HS6ST3: variants seen among roughly 807,000 people sequenced by gnomAD.
HS6ST3 encodes heparan sulfate 6-O-sulfotransferase 3, also known as heparan-sulfate 6-O-sulfotransferase 3.
A neutral mutation model predicts 36.7 loss-of-function variants in HS6ST3; 12 were observed. The ratio of observed to expected loss-of-function variants is 0.33; its 90% CI spans 0.21 to 0.53. The LOEUF (loss-of-function observed/expected upper bound fraction) is 0.53, where lower values mean the gene tolerates loss of function less well. HS6ST3 is among the 20% of genes least tolerant of loss of function. The probability of loss-of-function intolerance (pLI) is 0.95; values close to 1 mark genes in which losing one functional copy is unlikely to be tolerated. For missense variants in HS6ST3, 584 were observed against 640.9 expected (o/e 0.91, Z 0.96); for synonymous variants, 240 against 257.5 (o/e 0.93, Z 0.65).
chr13:96,567,999 C>A (rs958927904), intron 1 of HS6ST3, among the ~76,000 whole-genome samples: 1 of 152,262 alleles, frequency 6.6e-6, no homozygotes, highest in Non-Finnish European at 1.5e-5. Flanking sequence ...TATAATGCAA[C>A]AAGAACTTTC....
At chr13:96,355,858 A>C (rs527966073) in intron 1 of HS6ST3, among the ~76,000 whole-genome samples, 62 of 151,118 alleles carry the variant, frequency 4.1e-4, no homozygotes, top group African/African-American at 1.5e-3. Flanking sequence ...ACTTCTTTCA[A>C]AACTGGAGTC....
At chr13:96,739,654 G>C (rs893267741) in intron 1 of HS6ST3, among the ~76,000 whole-genome samples, 1 of 152,040 alleles carries the variant, frequency 6.6e-6, no homozygotes, top group African/African-American at 2.4e-5. Context: ...TTCTCACCAT[G>C]ATTATTCTAC....
At chr13:96,121,688 A>T (rs1255684423) in intron 1 of HS6ST3, among the ~76,000 whole-genome samples, 2 of 152,118 alleles carry the variant, frequency 1.3e-5, no homozygotes, top group African/African-American at 4.8e-5. Context: ...GTTTATTTTT[A>T]TTGGCTATGG....
At chr13:96,756,411 G>A (rs1323506422) in intron 1 of HS6ST3, among the ~76,000 whole-genome samples, 4 of 151,970 alleles carry the variant, frequency 2.6e-5, no homozygotes, top group Non-Finnish European at 4.4e-5. Flanking sequence ...TCTTGAATAT[G>A]ATCTAAGAAA....
chr13:96,302,075 G>A lies in HS6ST3; in HGVS notation c.707+210506G>A, dbSNP rs931850074. Among the ~76,000 whole-genome samples the A allele has an allele frequency of 6.1e-4, 92 of 151,902 alleles. 1 individual carries two copies. Among genetic ancestry groups the A allele is most frequent in the Non-Finnish European group, 2.4e-4 (16 of 67,962 alleles). On this transcript the variant is annotated intron_variant, in intron 1 of 1. Transcript: ENST00000376705. ...AAGAACATCACAAGATTGGGTGGCA[G>A]TGGGGGTTATATTAATAGTTTACTA...
chr13:96,273,076 A>G (rs1408645962), intron 1 of HS6ST3, among the ~76,000 whole-genome samples: 1 of 152,016 alleles, frequency 6.6e-6, no homozygotes, highest in African/African-American at 2.4e-5. Context: ...AGATCCACGT[A>G]ATATTTCATT....
chr13:96,252,859 G>A (rs1211180791), intron 1 of HS6ST3, among the ~76,000 whole-genome samples: 1 of 151,978 alleles, frequency 6.6e-6, no homozygotes, highest in African/African-American at 2.4e-5. Flanking sequence ...CTTCTGACAT[G>A]AGTCAAAGCT....
intron 1 of HS6ST3, among the ~76,000 whole-genome samples, chr13:96,562,172 T>A (rs1369436793): frequency 1.3e-5 from 2 of 152,168 alleles, no homozygotes; most frequent in East Asian, 3.8e-4. Flanking sequence ...GTGGTACATA[T>A]ACAACATGGG....
chr13:96,199,369 A>G (rs1195238800), intron 1 of HS6ST3, among the ~76,000 whole-genome samples: 1 of 152,242 alleles, frequency 6.6e-6, no homozygotes, highest in Non-Finnish European at 1.5e-5. Context: ...TATATATGAT[A>G]TTAGATTACT....
At chr13:96,465,498 A>T (rs1288974825) in intron 1 of HS6ST3, among the ~76,000 whole-genome samples, 1 of 152,240 alleles carries the variant, frequency 6.6e-6, no homozygotes, top group Non-Finnish European at 1.5e-5. Context: ...AGTTGTACAT[A>T]GTATACGGTT....
At chr13:96,638,007 A>T (rs567103982) in intron 1 of HS6ST3, among the ~76,000 whole-genome samples, 1 of 152,140 alleles carries the variant, frequency 6.6e-6, no homozygotes, top group African/African-American at 2.4e-5. Flanking sequence ...TGGAGAAAAC[A>T]CCTAGGCATT....
At chr13:96,426,131 T>TA (rs200718319) in intron 1 of HS6ST3, among the ~76,000 whole-genome samples, 1,914 of 148,400 alleles carry the variant, frequency 0.013, 12 homozygotes, top group African/African-American at 0.025. Context: ...AGGGTAAAAT[T>TA]AAAAAAAAAA....
intron 1 of HS6ST3, among the ~76,000 whole-genome samples, chr13:96,188,936 C>G (rs1016879596): frequency 3.9e-5 from 6 of 152,034 alleles, no homozygotes; most frequent in African/African-American, 1.4e-4. Context: ...ATATTAAGAA[C>G]AATATTGTCA....
intron 1 of HS6ST3, among the ~76,000 whole-genome samples, chr13:96,785,821 T>C (rs1212487512): frequency 6.6e-6 from 1 of 152,166 alleles, no homozygotes; most frequent in African/African-American, 2.4e-5. Context: ...CATACACATA[T>C]ACATAAAATT....
intron 1 of HS6ST3, among the ~76,000 whole-genome samples, chr13:96,691,737 T>C (rs958379786): frequency 1.3e-5 from 2 of 152,042 alleles, no homozygotes; most frequent in African/African-American, 4.8e-5. Flanking sequence ...CAAAGATAAA[T>C]AGCAAATTTG....
At chr13:96,659,972 T>G (rs1159022868) in intron 1 of HS6ST3, among the ~76,000 whole-genome samples, 1 of 152,144 alleles carries the variant, frequency 6.6e-6, no homozygotes, top group Non-Finnish European at 1.5e-5. Context: ...CCACTTTTAA[T>G]TGATAGATGG....
intron 1 of HS6ST3, among the ~76,000 whole-genome samples, chr13:96,618,898 T>C (rs1471489915): frequency 6.6e-6 from 1 of 152,098 alleles, no homozygotes; most frequent in Non-Finnish European, 1.5e-5. Flanking sequence ...AGGGGGTTAA[T>C]CTCTCACAAA....
At chr13:96,667,288 G>C (rs1246028333) in intron 1 of HS6ST3, among the ~76,000 whole-genome samples, 2 of 152,168 alleles carry the variant, frequency 1.3e-5, no homozygotes, top group Non-Finnish European at 2.9e-5. Flanking sequence ...GAAAGGGTCA[G>C]TATCCAATTA....
intron 1 of HS6ST3, among the ~76,000 whole-genome samples, chr13:96,424,428 A>G (rs1427201096): frequency 6.6e-6 from 1 of 152,218 alleles, no homozygotes; most frequent in Non-Finnish European, 1.5e-5. Context: ...TTTTTGACAA[A>G]CATCCTTTTA....
Sources: gnomAD v4.1 joint callset for allele counts (sites outside exome capture counted in the v4.1 genomes callset) on GRCh38, gnomAD v4.1.1 for gene constraint, MANE v1.5 for transcripts, NCBI Gene and HGNC (gene_info 2026-07-23, HGNC 2026-07-21) for gene names.